Variants in CTNNA2 observed in about 807,000 individuals in gnomAD.
CTNNA2 encodes catenin alpha-2.
A neutral mutation model predicts 101.0 loss-of-function variants in CTNNA2; 42 were observed. The observed-to-expected ratio is 0.42, with a 90% confidence interval of 0.32 to 0.54. The LOEUF (loss-of-function observed/expected upper bound fraction) is 0.54. CTNNA2 is among the 20% of genes least tolerant of loss of function. The probability of loss-of-function intolerance (pLI) is 0.14; values close to 1 mark genes in which losing one functional copy is unlikely to be tolerated. For synonymous variants in CTNNA2, 450 were observed against 456.4 expected (o/e 0.99, Z 0.18); for missense variants, 871 against 1,223.1 (o/e 0.71, Z 4.29).
At chr2:79,196,618 TA>T (rs1572973788) in intron 1 of CTNNA2, among the ~76,000 whole-genome samples, 2 of 152,234 alleles carry the variant, frequency 1.3e-5, no homozygotes, top group Non-Finnish European at 2.9e-5. Flanking sequence ...TTATACTTAA[TA>T]ATTATTCTGG....
At chr2:80,271,883 C>A (rs979012558) in intron 7 of CTNNA2, among the ~76,000 whole-genome samples, 3 of 152,104 alleles carry the variant, frequency 2.0e-5, no homozygotes, top group Admixed American at 1.3e-4. Context: ...CAATTTAAAG[C>A]CTTAGAGGAT....
intron 3 of CTNNA2, among the ~76,000 whole-genome samples, chr2:79,786,211 G>T (rs1442437594): frequency 1.3e-5 from 2 of 151,884 alleles, no homozygotes; most frequent in Admixed American, 6.6e-5. Flanking sequence ...TAGAAAAGCA[G>T]AATAAAGAAT....
chr2:79,547,640 G>GGGC (rs752404072), intron 1 of CTNNA2: 27 of 152,108 alleles, frequency 1.8e-4, no homozygotes, highest in Non-Finnish European at 3.1e-4. Context: ...TATCTTCGTA[G>GGGC]GGCCTCCCTC....
intron 4 of CTNNA2, among the ~76,000 whole-genome samples, chr2:79,453,084 A>G (rs1558669825): frequency 6.6e-6 from 1 of 152,146 alleles, no homozygotes; most frequent in Non-Finnish European, 1.5e-5. Context: ...GCACTTTGGG[A>G]ATGCCTGTGT....
intron 7 of CTNNA2, among the ~76,000 whole-genome samples, chr2:79,913,932 C>CA (rs1685992296): frequency 6.7e-6 from 1 of 150,224 alleles, no homozygotes; most frequent in Non-Finnish European, 1.5e-5. Context: ...CTTTGGGAGG[C>CA]CGAGGCGGGC....
intron 12 of CTNNA2, among the ~76,000 whole-genome samples, chr2:80,569,596 AC>A (rs1198279454): frequency 2.8e-5 from 4 of 142,756 alleles, no homozygotes; most frequent in African/African-American, 1.0e-4. Flanking sequence ...GAAGTTTGAA[AC>A]TTTTTCTGTC....
intron 1 of CTNNA2, among the ~76,000 whole-genome samples, chr2:79,593,522 C>A (rs978847882): frequency 6.6e-6 from 1 of 152,140 alleles, no homozygotes; most frequent in African/African-American, 2.4e-5. Context: ...ATTGCTCCAG[C>A]TTTTTTCCCT....
intron 2 of CTNNA2, among the ~76,000 whole-genome samples, chr2:79,740,540 G>T (rs1671220025): frequency 2.6e-5 from 4 of 151,934 alleles, no homozygotes; most frequent in Admixed American, 2.6e-4. Context: ...GGGCATTGCA[G>T]GAAGATAGGA....
intron 7 of CTNNA2, among the ~76,000 whole-genome samples, chr2:80,077,879 T>C (rs1698865903): frequency 3.3e-5 from 5 of 152,176 alleles, no homozygotes; most frequent in Admixed American, 3.3e-4. Context: ...GGTGTGGTTA[T>C]AAAGGCATGT....
At chr2:80,625,908 ACT>A (rs1260496021) in intron 18 of CTNNA2, among the ~76,000 whole-genome samples, 3 of 152,032 alleles carry the variant, frequency 2.0e-5, no homozygotes, top group Non-Finnish European at 2.9e-5. Context: ...TTTATAATTT[ACT>A]CTGTTAAATT....
At chr2:79,198,132 A>C (rs1223121606) in intron 2 of CTNNA2, 1 of 152,210 alleles carries the variant, frequency 6.6e-6, no homozygotes, top group East Asian at 1.9e-4. Flanking sequence ...ATATGTTAAC[A>C]AACCTGATGT....
intron 7 of CTNNA2, among the ~76,000 whole-genome samples, chr2:80,206,236 G>C (rs1471746773): frequency 6.6e-6 from 1 of 152,194 alleles, no homozygotes; most frequent in Non-Finnish European, 1.5e-5. Context: ...CTTTAGAATA[G>C]AATGTGTATT....
intron 9 of CTNNA2, among the ~76,000 whole-genome samples, chr2:80,466,406 T>C (rs2149479536): frequency 6.6e-6 from 1 of 152,336 alleles, no homozygotes. Context: ...ACTAATGAAA[T>C]AAGTAAATGT....
At chr2:80,638,349 G>T (rs1673091659) in intron 18 of CTNNA2, among the ~76,000 whole-genome samples, 1 of 152,114 alleles carries the variant, frequency 6.6e-6, no homozygotes, top group Non-Finnish European at 1.5e-5. Context: ...AAAGCCCATT[G>T]GCTCTTCTCT....
At chr2:80,260,866 AT>A (rs927591623) in intron 7 of CTNNA2, among the ~76,000 whole-genome samples, 2 of 151,578 alleles carry the variant, frequency 1.3e-5, no homozygotes, top group East Asian at 1.9e-4. Flanking sequence ...TGAGTTGTAC[AT>A]TTTTTTTTCC....
chr2:80,547,918 C>T (rs1343406197), intron 11 of CTNNA2, among the ~76,000 whole-genome samples: 2 of 151,984 alleles, frequency 1.3e-5, no homozygotes, highest in Non-Finnish European at 2.9e-5. Context: ...TCTCAAACTC[C>T]GGACCTCAGG....
At chr2:80,209,602 G>GAC (rs139384928) in intron 7 of CTNNA2, among the ~76,000 whole-genome samples, 2,336 of 145,530 alleles carry the variant, frequency 0.016, 47 homozygotes, top group Admixed American at 0.056. Context: ...CATACACACA[G>GAC]ACACACACAC....
At chr2:79,924,056 A>G (rs1686856306) in intron 7 of CTNNA2, among the ~76,000 whole-genome samples, 1 of 152,156 alleles carries the variant, frequency 6.6e-6, no homozygotes, top group African/African-American at 2.4e-5. Context: ...AAGATGTGGA[A>G]GCAACCCAAG....
chr2:80,550,436 T>C (rs1275335166), intron 11 of CTNNA2, among the ~76,000 whole-genome samples: 1 of 152,210 alleles, frequency 6.6e-6, no homozygotes, highest in Non-Finnish European at 1.5e-5. Flanking sequence ...GTTGATTGAC[T>C]ATTCCTTTAC....
Sources: gnomAD v4.1 joint callset for allele counts (sites outside exome capture counted in the v4.1 genomes callset) on GRCh38, gnomAD v4.1.1 for gene constraint, MANE v1.5 for transcripts, NCBI Gene and HGNC (gene_info 2026-07-23, HGNC 2026-07-21) for gene names.